The following TMEM217B variants were observed in gnomAD, a reference collection of about 807,000 sequenced individuals.
The protein encoded by TMEM217B is transmembrane protein 217B, also known as putative transmembrane protein 217B.
At chr6:37,243,507 A>G in the TMEM217B span, among the ~76,000 whole-genome samples, 1 of 152,378 alleles carries the variant, frequency 6.6e-6, no homozygotes, top group East Asian at 1.9e-4. Context: ...CAGTAAAGAA[A>G]GAGTTTAATT....
chr6:37,256,174 G>A, the TMEM217B span, among the ~76,000 whole-genome samples: 1 of 152,204 alleles, frequency 6.6e-6, no homozygotes, highest in African/African-American at 2.4e-5. Context: ...ACATGGATGA[G>A]TGTATGGCAG....
At chr6:37,229,881 C>G in the TMEM217B span, among the ~76,000 whole-genome samples, 1 of 152,190 alleles carries the variant, frequency 6.6e-6, no homozygotes, top group South Asian at 2.1e-4. Flanking sequence ...TGCCTCAATA[C>G]TCAACTGGTG....
the TMEM217B span, chr6:37,212,775 G>A: frequency 1.4e-6 from 1 of 705,142 alleles, no homozygotes; most frequent in East Asian, 2.7e-5. Context: ...TGATGGTGGT[G>A]AGGGAGAGGC....
At chr6:37,224,158 T>C in the TMEM217B span, among the ~76,000 whole-genome samples, 1 of 149,776 alleles carries the variant, frequency 6.7e-6, no homozygotes, top group East Asian at 2.1e-4. Flanking sequence ...AGGCTGGTCT[T>C]GAACTCCTGA....
the TMEM217B span, chr6:37,215,418 T>G: frequency 8.9e-7 from 1 of 1,124,770 alleles, no homozygotes; most frequent in Non-Finnish European, 1.2e-6. Flanking sequence ...CTACTAAAGA[T>G]ACAAAAATTA....
the TMEM217B span, chr6:37,215,152 C>T: frequency 2.4e-5 from 38 of 1,602,326 alleles, no homozygotes; most frequent in Admixed American, 1.7e-5. Context: ...TCCCTTTCTG[C>T]CGCTAGCCAA....
chr6:37,257,986 C>T, the TMEM217B span: 15 of 1,613,606 alleles, frequency 9.3e-6, 1 homozygote, highest in South Asian at 1.3e-4. Flanking sequence ...GAGCCCAGGA[C>T]GCTGAGAGGG....
chr6:37,213,331 A>G, the TMEM217B span, among the ~76,000 whole-genome samples: 3 of 152,204 alleles, frequency 2.0e-5, no homozygotes, highest in Non-Finnish European at 2.9e-5. Context: ...TGTATTGAGG[A>G]TAACGATGGT....
At chr6:37,216,026 TGTGTGTGA>T in the TMEM217B span, among the ~76,000 whole-genome samples, 59 of 106,002 alleles carry the variant, frequency 5.6e-4, no homozygotes, top group African/African-American at 1.9e-3. Flanking sequence ...TGTGTGTGTG[TGTGTGTGA>T]GAAACAGATA....
chr6:37,255,782 A>T, the TMEM217B span, among the ~76,000 whole-genome samples: 1 of 152,126 alleles, frequency 6.6e-6, no homozygotes, highest in Non-Finnish European at 1.5e-5. Flanking sequence ...TGCTGTAAGC[A>T]GGTGTGTGGT....
At chr6:37,214,183 G>A in the TMEM217B span, among the ~76,000 whole-genome samples, 2 of 152,168 alleles carry the variant, frequency 1.3e-5, no homozygotes, top group African/African-American at 2.4e-5. Context: ...GTACATTCAC[G>A]TTGTCGTGCA....
At chr6:37,252,613 GTGTGTA>G in the TMEM217B span, among the ~76,000 whole-genome samples, 101 of 89,948 alleles carry the variant, frequency 1.1e-3, 2 homozygotes, top group African/African-American at 3.2e-3. Flanking sequence ...GTGTGTATGT[GTGTGTA>G]TATATATATA....
At chr6:37,256,077 A>G in the TMEM217B span, among the ~76,000 whole-genome samples, 7 of 152,248 alleles carry the variant, frequency 4.6e-5, no homozygotes, top group Non-Finnish European at 8.8e-5. Context: ...TGCTTTCCAC[A>G]TAGTAAAATG....
chr6:37,214,027 C>T, the TMEM217B span, among the ~76,000 whole-genome samples: 1 of 152,318 alleles, frequency 6.6e-6, no homozygotes, highest in South Asian at 2.1e-4. Flanking sequence ...TCCTGTCCAG[C>T]CAGGCAGAGC....
At chr6:37,257,531 T>TA in the TMEM217B span, 1 of 229,718 alleles carries the variant, frequency 4.4e-6, no homozygotes, top group Non-Finnish European at 8.7e-6. Flanking sequence ...ACGAAGAAGA[T>TA]AATCCCCTCT....
chr6:37,223,602 G>A, the TMEM217B span, among the ~76,000 whole-genome samples: 2 of 152,082 alleles, frequency 1.3e-5, no homozygotes, highest in Admixed American at 6.6e-5. Context: ...TCTGCCTCCC[G>A]GGTTCAAGCA....
the TMEM217B span, among the ~76,000 whole-genome samples, chr6:37,221,178 T>C: frequency 2.6e-5 from 4 of 151,772 alleles, no homozygotes; most frequent in African/African-American, 9.7e-5. Context: ...GGACATGTCA[T>C]GTAAGTGGAG....
At chr6:37,221,190 CTTT>C in the TMEM217B span, among the ~76,000 whole-genome samples, 1 of 143,476 alleles carries the variant, frequency 7.0e-6, no homozygotes. Flanking sequence ...TAAGTGGAGT[CTTT>C]TTTTTTTTTT....
chr6:37,227,066 T>C, the TMEM217B span, among the ~76,000 whole-genome samples: 1 of 152,220 alleles, frequency 6.6e-6, no homozygotes, highest in Non-Finnish European at 1.5e-5. Context: ...AGCAGCAAAA[T>C]TAGGATTTGA....
Sources: allele counts gnomAD v4.1 joint callset (sites outside exome capture counted in the v4.1 genomes callset), GRCh38; gene constraint gnomAD v4.1.1; transcripts MANE v1.5; gene names NCBI Gene and HGNC (gene_info 2026-07-23, HGNC 2026-07-21).